The following ZNF599 variants were observed in gnomAD, a reference collection of about 807,000 sequenced individuals.
ZNF599 encodes zinc finger protein 599.
A neutral mutation model predicts 11.7 loss-of-function variants in ZNF599; 10 were observed. The observed-to-expected ratio is 0.86, with a 90% CI of 0.53 to 1.45. The LOEUF is 1.45. Among genes scored for constraint, ZNF599 ranks in the 40% most tolerant of loss-of-function variants. The pLI is 0.00. For synonymous variants in ZNF599, 232 were observed against 253.2 expected (o/e 0.92, Z 0.79); for missense variants, 688 against 713.6 (o/e 0.96, Z 0.41).
the ZNF599 span, among the ~76,000 whole-genome samples, chr19:34,790,597 G>C: frequency 1.3e-5 from 2 of 152,120 alleles, no homozygotes; most frequent in Non-Finnish European, 2.9e-5. Context: ...CGGAAGGCCT[G>C]GGGGGAGGAG....
At position 34,759,481 on chromosome 19, in the gene ZNF599, T is replaced by G. The variant is rs767195176; in HGVS notation, c.1320A>C (p.Gln440His). 6.2e-7 allele frequency: 1 copy of G among 1,614,056 alleles called. No individual in the cohort carries two copies. Among genetic ancestry groups the G allele is most frequent in the Non-Finnish European group, 8.5e-7 (1 of 1,179,970 alleles). ...KAFCDSSSLI[Q>H]HMRIHTGEKP... Reference sequence around the variant, plus strand: ...TCTCACCAGTGTGAATCCTCATATGTTGAATTAAGGAAGAGCTGTCACAAA... The same window carrying G: ...TCTCACCAGTGTGAATCCTCATATGGTGAATTAAGGAAGAGCTGTCACAAA... The change falls in exon 4 of 4, where the codon CAA becomes CAC. Residue 440 changes from glutamine to histidine, a missense_variant. Physicochemically the swap from Gln to His is conservative, Grantham distance 24 (BLOSUM62 0). Coordinates refer to ENST00000329285, the MANE Select transcript of ZNF599 (RefSeq NM_001007248.3).
chr19:34,780,666 AAGGAAGGAAGGGGGAGGG>A, the ZNF599 span, among the ~76,000 whole-genome samples: 1 of 135,610 alleles, frequency 7.4e-6, no homozygotes, highest in Non-Finnish European at 1.6e-5. Flanking sequence ...GGAGGGAGGG[AAGGAAGGAAGGGGGAGGG>A]AGGAAGGAAG....
chr19:34,785,021 T>G, the ZNF599 span, among the ~76,000 whole-genome samples: 1 of 150,000 alleles, frequency 6.7e-6, no homozygotes, highest in East Asian at 2.0e-4. Context: ...TCTAGTTGCC[T>G]GCTCAGAACC....
At chr19:34,772,795 T>C in intron 1 of ZNF599, 29 bp downstream of exon 1, 1 of 1,534,422 alleles carries the variant, frequency 6.5e-7, no homozygotes, top group African/African-American at 1.4e-5. Flanking sequence ...TGACCCGAGC[T>C]CGCGCGGGCT....
At chr19:34,791,312 A>G in the ZNF599 span, among the ~76,000 whole-genome samples, 3 of 152,228 alleles carry the variant, frequency 2.0e-5, no homozygotes, top group African/African-American at 7.2e-5. Context: ...CTGCTGACAG[A>G]TAATGCCAAG....
chr19:34,770,713 G>A (rs35148835), intron 1 of ZNF599, among the ~76,000 whole-genome samples: 34 of 152,180 alleles, frequency 2.2e-4, no homozygotes, highest in Non-Finnish European at 3.8e-4. Context: ...TAAGCACCAC[G>A]TCTGTCCTGG....
At chr19:34,764,894 C>T (rs2069132532) in intron 3 of ZNF599, 1 of 151,966 alleles carries the variant, frequency 6.6e-6, no homozygotes, top group African/African-American at 2.4e-5. Context: ...ATAAATTGCA[C>T]CTCAGTACAA....
chr19:34,794,624 G>A, the ZNF599 span, among the ~76,000 whole-genome samples: 1 of 149,398 alleles, frequency 6.7e-6, no homozygotes, highest in Non-Finnish European at 1.5e-5. Context: ...AGGCTGGAAT[G>A]CAGTGGTGCA....
At chr19:34,779,331 C>T in the ZNF599 span, 2 of 245,092 alleles carry the variant, frequency 8.2e-6, no homozygotes, top group Non-Finnish European at 8.0e-6. Context: ...AAACTTCCAA[C>T]CTCAAGCGAT....
intron 1 of ZNF599, among the ~76,000 whole-genome samples, chr19:34,772,061 C>G (rs192139451): frequency 1.6e-3 from 241 of 152,296 alleles, no homozygotes; most frequent in African/African-American, 5.5e-3. Flanking sequence ...GTGATCAGAG[C>G]TACGAGGAGT....
At chr19:34,783,682 AC>A in the ZNF599 span, among the ~76,000 whole-genome samples, 3 of 152,198 alleles carry the variant, frequency 2.0e-5, no homozygotes, top group Non-Finnish European at 4.4e-5. Context: ...TTTTAAAAAA[AC>A]ATCCCCTTGT....
Position 34,759,644 on chromosome 19 carries a change from A to T in ZNF599, c.1157T>A (p.Met386Lys), listed in dbSNP as rs549591921. 2 of 1,614,194 alleles carry T rather than the reference A, an allele frequency of 1.2e-6. No individual in the cohort carries two copies. The highest frequency in any genetic ancestry group is 1.7e-6 in the Non-Finnish European group (2 of 1,180,026). The change falls in exon 4 of 4, where the codon ATG (methionine) becomes AAG (lysine). Residue 386 changes from methionine (M) to lysine (K), a missense_variant. Met to Lys is a moderately conservative substitution (Grantham distance 95). Transcript: ENST00000329285. ...FCLNSSFTQH[M>K]RIHTGEKPYE... is the part of the protein sequence containing the mutation. ...GGGTTTCTCTCCAGTGTGAATCCTC[A>T]TGTGCTGAGTGAAGGATGAGTTGAG...
the ZNF599 span, among the ~76,000 whole-genome samples, chr19:34,783,891 C>T: frequency 2.0e-5 from 3 of 152,102 alleles, no homozygotes; most frequent in Non-Finnish European, 2.9e-5. Flanking sequence ...CCCCAATTGC[C>T]GCTGCTACCC....
chr19:34,767,383 G>C lies in ZNF599; in HGVS notation c.174C>G (p.Ile58Met), dbSNP rs766631070. 2 of 1,614,144 alleles carry C rather than the reference G, an allele frequency of 1.2e-6. No individual in the cohort carries two copies. The highest frequency in any genetic ancestry group is 1.3e-5 in the African/African-American group (1 of 75,040). The change falls in exon 3 of 4, where the codon ATC becomes ATG. Residue 58 changes from isoleucine to methionine, a missense_variant. Coordinates refer to ENST00000329285, the MANE Select transcript of ZNF599 (RefSeq NM_001007248.3). ...GTTCCTGTCCATGTTCCAGTAGATA[G>C]ATCAGCTCTGGTTTGGGAACAGGAT... Reference protein sequence around the residue: ...LGHPVPKPELIYLLEHGQELW... With the variant: ...LGHPVPKPELMYLLEHGQELW...
rs1003069860 is a variant in ZNF599, at chr19:34,758,979, A to G, written c.*55T>C. 108 of 1,514,200 alleles carry G rather than the reference A, an allele frequency of 7.1e-5. 1 individual carries two copies. The African/African-American group carries it at 1.3e-3, about 19-fold the overall frequency. 93.8% of individuals were successfully genotyped at this position (1,514,200 alleles called of 1,614,324 possible). A position where few individuals can be genotyped will look rare whatever the true frequency, so the allele number is the denominator to read the frequency against. On this transcript the variant is annotated 3_prime_UTR_variant, in exon 4 of 4. Transcript: ENST00000329285. The stretch of plus-strand genomic sequence containing the variant: ...TTATACTCAAAAGGAAAGGTATGTC[A>G]CCACTATGAGTTCACTAAAGACAAA...
At chr19:34,777,514 AT>A (rs1246577672), upstream of ZNF599, among the ~76,000 whole-genome samples, 12 of 114,980 alleles carry the variant, frequency 1.0e-4, no homozygotes, top group East Asian at 4.4e-4. Flanking sequence ...TATATTATAT[AT>A]TAATATATTA....
the ZNF599 span, among the ~76,000 whole-genome samples, chr19:34,807,343 T>A: frequency 6.6e-6 from 1 of 152,024 alleles, no homozygotes; most frequent in Non-Finnish European, 1.5e-5. Flanking sequence ...GATGCGAGCC[T>A]GTGGGTGAAT....
At chr19:34,781,216 G>A in the ZNF599 span, among the ~76,000 whole-genome samples, 3 of 147,728 alleles carry the variant, frequency 2.0e-5, no homozygotes, top group Non-Finnish European at 4.5e-5. Flanking sequence ...AGGAAGGAAG[G>A]AAATGAAAGA....
chr19:34,761,150 G>A (rs536658067), intron 3 of ZNF599, among the ~76,000 whole-genome samples: 5 of 152,262 alleles, frequency 3.3e-5, no homozygotes, highest in African/African-American at 7.2e-5. Context: ...AGGATGGAAA[G>A]GCAGGCAGAG....
Sources: gnomAD v4.1 joint callset for allele counts (sites outside exome capture counted in the v4.1 genomes callset) on GRCh38, gnomAD v4.1.1 for gene constraint, MANE v1.5 for transcripts, NCBI Gene and HGNC (gene_info 2026-07-23, HGNC 2026-07-21) for gene names.